The following ATP7A variants were observed in gnomAD, a reference collection of about 807,000 sequenced individuals.
ATP7A encodes the protein ATPase copper transporting alpha.
In ATP7A, 7 loss-of-function variants were observed where a neutral mutation model predicts 83.5. The ratio of observed to expected loss-of-function variants is 0.08; its 90% CI spans 0.05 to 0.16. The LOEUF (loss-of-function observed/expected upper bound fraction) is 0.16. Among genes scored for constraint, ATP7A ranks in the 10% least tolerant of loss-of-function variants. The pLI is 1.00. For synonymous variants in ATP7A, 354 were observed against 395.2 expected (o/e 0.90, Z 1.24); for missense variants, 940 against 1,120.8 (o/e 0.84, Z 2.30).
intron 1 of ATP7A, among the ~76,000 whole-genome samples, chrX:77,948,346 T>G (rs1434072321): frequency 3.7e-5 from 4 of 108,138 alleles, no homozygotes; most frequent in Non-Finnish European, 7.7e-5. Context: ...CAGGAAGGTC[T>G]CGATCTCCTG....
At chrX:77,984,768 C>A (rs1488838784) in intron 2 of ATP7A, among the ~76,000 whole-genome samples, 3 of 111,906 alleles carry the variant, frequency 2.7e-5, no homozygotes, top group Non-Finnish European at 5.6e-5. Context: ...TCTTTGCTAT[C>A]TAACATTCAG....
chrX:77,975,568 C>T (rs1784451666), intron 2 of ATP7A: 1 of 99,866 alleles, frequency 1.0e-5, no homozygotes, highest in Non-Finnish European at 2.0e-5. Flanking sequence ...CAGCTCACTG[C>T]AACCTCTGGC....
At chrX:77,946,544 GC>G (rs2077380729) in intron 1 of ATP7A, among the ~76,000 whole-genome samples, 1 of 108,548 alleles carries the variant, frequency 9.2e-6, no homozygotes, top group African/African-American at 3.4e-5. Flanking sequence ...AGAAGAGAGG[GC>G]AAAGTCAAGA....
intron 1 of ATP7A, among the ~76,000 whole-genome samples, chrX:77,950,651 A>G (rs183732919): frequency 6.6e-4 from 74 of 111,310 alleles, no homozygotes; most frequent in South Asian, 1.1e-3. Context: ...GTGTATTGGC[A>G]TTTTGGTTTT....
intron 14 of ATP7A, among the ~76,000 whole-genome samples, chrX:78,021,644 G>A (rs1456970779): frequency 2.7e-5 from 3 of 111,568 alleles, no homozygotes; most frequent in African/African-American, 9.8e-5. Flanking sequence ...ACTGGACTGT[G>A]CCTCAAATTA....
intron 1 of ATP7A, among the ~76,000 whole-genome samples, chrX:77,933,474 G>A (rs2077300946): frequency 8.9e-6 from 1 of 111,925 alleles, no homozygotes; most frequent in African/African-American, 3.2e-5. Context: ...GTAGCAATAG[G>A]TGGTACCAAT....
intron 1 of ATP7A, among the ~76,000 whole-genome samples, chrX:77,951,996 A>G (rs1557226851): frequency 1.8e-5 from 2 of 112,155 alleles, no homozygotes; most frequent in African/African-American, 6.5e-5. Context: ...TAATGCACAT[A>G]TAAGTTTCCT....
intron 1 of ATP7A, among the ~76,000 whole-genome samples, chrX:77,913,409 AG>A (rs1297711446): frequency 3.6e-5 from 4 of 110,786 alleles, no homozygotes; most frequent in Non-Finnish European, 7.6e-5. Context: ...GGCCGGGGCA[AG>A]GGGGAGGCTG....
chrX:78,001,560 A>G (rs1203664376), intron 5 of ATP7A, among the ~76,000 whole-genome samples: 1 of 111,455 alleles, frequency 9.0e-6, no homozygotes, highest in Non-Finnish European at 1.9e-5. Context: ...CATTCTTTTT[A>G]TTTGTACCCA....
rs1339264610 is a variant in ATP7A, at chrX:77,956,726, CCTTTCTTTCTT to C, written c.-21-14894_-21-14884del. On this transcript the variant is annotated intron_variant, in intron 1 of 22. Coordinates refer to ENST00000341514, the MANE Select transcript of ATP7A (RefSeq NM_000052.7). Reference sequence around the variant, plus strand: ...TTTTTCTTTATCAATTACCCAGTCTCCTTTCTTTCTTTCTTTCTTTCTTTCTTTCTTTCTTT... The same window carrying C: ...TTTTTCTTTATCAATTACCCAGTCTCTCTTTCTTTCTTTCTTTCTTTCTTT... 2.1e-3 allele frequency among the ~76,000 whole-genome samples: 154 copies of C among 73,776 alleles called. 1 individual carries two copies. The highest frequency in any genetic ancestry group is 5.6e-3 in the African/African-American group (110 of 19,637). 64.1% of individuals were successfully genotyped at this position (73,776 alleles called of 115,157 possible).
chrX:77,995,597 G>A (rs1465717226), intron 4 of ATP7A, among the ~76,000 whole-genome samples: 1 of 105,450 alleles, frequency 9.5e-6, no homozygotes, highest in African/African-American at 3.5e-5. Context: ...AAGAGGTAGT[G>A]AGAAAAATGG....
At chrX:77,971,849 C>A in intron 2 of ATP7A, 88 bp downstream of exon 2, 2 of 1,044,530 alleles carry the variant, frequency 1.9e-6, no homozygotes, top group African/African-American at 1.8e-5. Flanking sequence ...GAAGCAGACA[C>A]ACTGACACAT....
At chrX:77,959,766 A>C (rs2077464948) in intron 1 of ATP7A, among the ~76,000 whole-genome samples, 1 of 112,505 alleles carries the variant, frequency 8.9e-6, no homozygotes, top group Admixed American at 9.4e-5. Flanking sequence ...TTTAACTATT[A>C]GCAACATTGT....
chrX:77,989,329 C>T lies in ATP7A; in HGVS notation c.707C>T (p.Ala236Val). Residue 236 changes from alanine (A) to valine (V), a missense_variant, in exon 4 of 23, where the codon GCA becomes GTA. Transcript: ENST00000341514. ...CAGATTGAAGCTATGGGCTTTCCAG[C>T]ATTTGTCAAAAAGCAGCCCAAGTAC... ...KKQIEAMGFP[A>V]FVKKQPKYLK... 8.3e-7 allele frequency: 1 copy of T among 1,211,490 alleles called. No homozygotes were observed. The highest frequency in any genetic ancestry group is 1.8e-5 in the South Asian group (1 of 56,987).
chrX:78,010,893 A>G (rs1008920109), intron 7 of ATP7A, among the ~76,000 whole-genome samples: 1 of 110,827 alleles, frequency 9.0e-6, no homozygotes, highest in Non-Finnish European at 1.9e-5. Context: ...GCTAGCTTTT[A>G]TGGCCTATTA....
At chrX:77,978,628 G>C (rs782261740) in intron 2 of ATP7A, among the ~76,000 whole-genome samples, 40 of 111,069 alleles carry the variant, frequency 3.6e-4, no homozygotes, top group African/African-American at 1.3e-3. Flanking sequence ...TTTTTATCTA[G>C]AGAAAAGACT....
Position 77,989,362 on chromosome X carries a change from T to C in ATP7A, c.740T>C (p.Leu247Ser), listed in dbSNP as rs2077656502. 8.3e-7 allele frequency: 1 copy of C among 1,211,329 alleles called. No individual in the cohort carries two copies. The highest frequency in any genetic ancestry group is 1.1e-6 in the Non-Finnish European group (1 of 895,336). The change falls in exon 4 of 23, where the codon TTG (leucine) becomes TCG (serine). Residue 247 changes from leucine (L) to serine (S), a missense_variant. Physicochemically the swap from Leu to Ser is moderately radical, Grantham distance 145 (BLOSUM62 -2). Around this residue, in one of 3 missense-constraint regions of ATP7A, gnomAD observed 350 missense variants for 432.8 expected, o/e 0.81. Transcript: ENST00000341514. ...AAAAAGCAGCCCAAGTACCTCAAAT[T>C]GGGAGCTATTGATGTAGAACGTCTA... ...FVKKQPKYLK[L>S]GAIDVERLKN...
rs1243982560 is a variant in ATP7A at position 77,988,506 on chromosome X, A to G, written c.385A>G (p.Ile129Val). 2 of 1,211,867 alleles carry G rather than the reference A, an allele frequency of 1.7e-6. No individual in the cohort carries two copies. Among genetic ancestry groups the G allele is most frequent in the East Asian group, 5.9e-5 (2 of 33,844 alleles). Reference sequence around the variant, plus strand: ...TCAGAAAAGAACTGTAGCAGTGACAATAATCCCTTCTATAGTGAATGCCAA... The same window carrying G: ...TCAGAAAAGAACTGTAGCAGTGACAGTAATCCCTTCTATAGTGAATGCCAA... ...YPQKRTVAVT[I>V]IPSIVNANQI... Residue 129 changes from isoleucine to valine, a missense_variant, in exon 3 of 23, where the codon ATA (isoleucine) becomes GTA (valine). Transcript: ENST00000341514.
intron 1 of ATP7A, among the ~76,000 whole-genome samples, chrX:77,971,152 G>T (rs2077544394): frequency 8.9e-6 from 1 of 111,914 alleles, no homozygotes; most frequent in Non-Finnish European, 1.9e-5. Context: ...AGTATGACTG[G>T]CACAGAGAAG....
Sources: allele counts gnomAD v4.1 joint callset (sites outside exome capture counted in the v4.1 genomes callset), GRCh38; gene constraint gnomAD v4.1.1; regional missense constraint gnomAD v4.1.1; transcripts MANE v1.5; gene names NCBI Gene and HGNC (gene_info 2026-07-23, HGNC 2026-07-21).